The following CHCHD6 variants were observed in gnomAD, a reference collection of about 807,000 sequenced individuals.
CHCHD6 encodes the protein MICOS complex subunit MIC25.
Under a neutral mutation model 32.3 loss-of-function variants are expected in CHCHD6, and 28 were observed. The observed-to-expected ratio is 0.87, with a 90% CI of 0.64 to 1.19. The LOEUF is 1.19. Among genes scored for constraint, CHCHD6 ranks in the 50% most tolerant of loss-of-function variants. CHCHD6 has a pLI of 0.00. For missense variants in CHCHD6, 333 were observed against 307.0 expected (o/e 1.08, Z -0.63); for synonymous variants, 122 against 117.5 (o/e 1.04, Z -0.25).
chr3:126,811,665 T>C (rs1001857270), intron 4 of CHCHD6, among the ~76,000 whole-genome samples: 1 of 152,104 alleles, frequency 6.6e-6, no homozygotes, highest in Admixed American at 6.6e-5. Context: ...CTTGGACCAA[T>C]GACATATTCC....
At chr3:126,864,464 T>A (rs1363376352) in intron 5 of CHCHD6, among the ~76,000 whole-genome samples, 1 of 131,986 alleles carries the variant, frequency 7.6e-6, no homozygotes, top group African/African-American at 2.9e-5. Context: ...CACCACCACC[T>A]CCTCCTCCTC....
chr3:126,813,852 G>C (rs1939763700), intron 4 of CHCHD6, among the ~76,000 whole-genome samples: 1 of 152,230 alleles, frequency 6.6e-6, no homozygotes, highest in Non-Finnish European at 1.5e-5. Context: ...CAAAGCATCA[G>C]TGAATTGGAG....
chr3:126,826,177 TC>T (rs1940384333), intron 4 of CHCHD6, among the ~76,000 whole-genome samples: 1 of 152,260 alleles, frequency 6.6e-6, no homozygotes, highest in Non-Finnish European at 1.5e-5. Flanking sequence ...ATTTGGCTTC[TC>T]AAACAAGTCT....
intron 4 of CHCHD6, among the ~76,000 whole-genome samples, chr3:126,793,510 T>A (rs1938647635): frequency 6.6e-6 from 1 of 151,980 alleles, no homozygotes; most frequent in Non-Finnish European, 1.5e-5. Flanking sequence ...CCCTTTCCCC[T>A]CCCCCCATAA....
chr3:126,958,105 C>T lies in CHCHD6; in HGVS notation c.702+554C>T, dbSNP rs148561671. On this transcript the variant is annotated intron_variant, in intron 7 of 7. Transcript: ENST00000290913. ...GGTCACCTCCCACTCCAGTGGGCCT[C>T]GGTTGTCCTGGATGCCTGTGATGCG... 6.1e-3 allele frequency among the ~76,000 whole-genome samples: 931 copies of T among 151,878 alleles called. 9 individuals carry two copies. The highest frequency in any genetic ancestry group is 0.022 in the African/African-American group (891 of 41,428).
chr3:126,841,192 A>G (rs898110062), intron 4 of CHCHD6, among the ~76,000 whole-genome samples: 3 of 152,092 alleles, frequency 2.0e-5, no homozygotes, highest in Admixed American at 6.5e-5. Context: ...ATGATTTCCA[A>G]TTTCATCCAT....
intron 4 of CHCHD6, chr3:126,767,458 T>C: frequency 1.5e-6 from 1 of 654,478 alleles, no homozygotes; most frequent in Non-Finnish European, 2.8e-6. Context: ...CATTCCTAGA[T>C]TTCCAAAGAA....
chr3:126,884,895 T>A (rs1359218661), intron 5 of CHCHD6, among the ~76,000 whole-genome samples: 1 of 152,246 alleles, frequency 6.6e-6, no homozygotes, highest in African/African-American at 2.4e-5. Context: ...CTCTGGTGAC[T>A]GCCGACGTGT....
intron 7 of CHCHD6, among the ~76,000 whole-genome samples, chr3:126,958,741 A>G (rs1431948358): frequency 6.6e-6 from 1 of 152,206 alleles, no homozygotes; most frequent in Non-Finnish European, 1.5e-5. Context: ...AGCCCTGGGT[A>G]GGACAGGCGG....
At chr3:126,765,838 C>A (rs1022184812) in intron 4 of CHCHD6, among the ~76,000 whole-genome samples, 25 of 152,316 alleles carry the variant, frequency 1.6e-4, no homozygotes, top group African/African-American at 6.0e-4. Flanking sequence ...CCCAATCCCC[C>A]TCCAGGGGGA....
chr3:126,895,033 C>A (rs2077818528), intron 5 of CHCHD6, among the ~76,000 whole-genome samples: 2 of 152,238 alleles, frequency 1.3e-5, no homozygotes, highest in African/African-American at 4.8e-5. Context: ...AATGCATATT[C>A]AAGCATATAC....
intron 7 of CHCHD6, chr3:126,957,992 G>T (rs1463081838): frequency 3.4e-6 from 1 of 296,458 alleles, no homozygotes; most frequent in Non-Finnish European, 6.7e-6. Context: ...ATCAGAAGCT[G>T]CTCACAGCCA....
chr3:126,879,032 G>C (rs2077574763), intron 5 of CHCHD6, among the ~76,000 whole-genome samples: 1 of 152,178 alleles, frequency 6.6e-6, no homozygotes, highest in Non-Finnish European at 1.5e-5. Flanking sequence ...ACCTTTGCTG[G>C]GCTCTTGGCC....
At chr3:126,890,351 C>T (rs1490716838) in intron 5 of CHCHD6, among the ~76,000 whole-genome samples, 4 of 152,156 alleles carry the variant, frequency 2.6e-5, no homozygotes, top group African/African-American at 9.7e-5. Flanking sequence ...CCTCAAGGCT[C>T]GGTGACACAG....
At chr3:126,779,629 G>A (rs193226783) in intron 4 of CHCHD6, among the ~76,000 whole-genome samples, 1 of 151,612 alleles carries the variant, frequency 6.6e-6, no homozygotes, top group East Asian at 1.9e-4. Flanking sequence ...TAAGGTGTAA[G>A]ACAGAGGTCT....
At chr3:126,748,937 C>CAG (rs143849483) in intron 4 of CHCHD6, among the ~76,000 whole-genome samples, 9 of 151,416 alleles carry the variant, frequency 5.9e-5, no homozygotes, top group South Asian at 2.1e-4. Flanking sequence ...CATACTGCTG[C>CAG]AGAGAGAGAG....
chr3:126,717,145 T>G (rs1935059199), intron 1 of CHCHD6, among the ~76,000 whole-genome samples: 1 of 152,150 alleles, frequency 6.6e-6, no homozygotes, highest in Non-Finnish European at 1.5e-5. Flanking sequence ...GGGCAAGTTC[T>G]TTAACCTCTC....
chr3:126,790,120 ATTCTT>A (rs747935668), intron 4 of CHCHD6, among the ~76,000 whole-genome samples: 4 of 152,048 alleles, frequency 2.6e-5, no homozygotes, highest in Non-Finnish European at 5.9e-5. Context: ...TGGGTTGAAA[ATTCTT>A]TTCTTTAAGA....
At position 126,794,318 on chromosome 3, in the gene CHCHD6, T is replaced by G. The variant is rs1292954754; in HGVS notation, c.412-58329T>G. ...ATATTTATATATATACATATATGTT[T>G]ATATATATATTACATTTAGACTGTA... On this transcript the variant is annotated intron_variant, in intron 4 of 7. Transcript: ENST00000290913. Among the ~76,000 whole-genome samples the G allele has an allele frequency of 6.1e-5, 9 of 147,854 alleles. No individual in the cohort carries two copies. The East Asian group carries it at 1.2e-3, about 19-fold the overall frequency.
Sources: gnomAD v4.1 joint callset for allele counts (sites outside exome capture counted in the v4.1 genomes callset) on GRCh38, gnomAD v4.1.1 for gene constraint, MANE v1.5 for transcripts, NCBI Gene and HGNC (gene_info 2026-07-23, HGNC 2026-07-21) for gene names.